The following ADAMTS9 variants were observed in gnomAD, a reference collection of about 807,000 sequenced individuals.
ADAMTS9 encodes the protein A disintegrin and metalloproteinase with thrombospondin motifs 9.
In ADAMTS9, 107 loss-of-function variants were observed where a neutral mutation model predicts 257.1. The observed-to-expected ratio is 0.42, with a 90% CI of 0.36 to 0.49. ADAMTS9 has a LOEUF of 0.49. Among genes scored for constraint, ADAMTS9 ranks in the 20% least tolerant of loss-of-function variants. The pLI is 0.03. For missense variants in ADAMTS9, 2,353 were observed against 2,469.1 expected (o/e 0.95, Z 1.00); for synonymous variants, 982 against 880.9 (o/e 1.11, Z -2.03).
chr3:64,561,687 T>C lies in ADAMTS9; in HGVS notation c.4589A>G (p.Lys1530Arg). Residue 1530 changes from lysine (K) to arginine (R), a missense_variant, in exon 30 of 40, where the codon AAA becomes AGA. Around this residue, in one of 3 missense-constraint regions of ADAMTS9, gnomAD observed 1,402 missense variants for 1,441.4 expected, o/e 0.97. Coordinates refer to ENST00000498707, the MANE Select transcript of ADAMTS9 (RefSeq NM_182920.2). Reference sequence around the variant, plus strand: ...GTTGCACTCGGTCTCTCTGGCTATTTTGTGTGTTCCGATCTGACAGCCCAC... The same window carrying C: ...GTTGCACTCGGTCTCTCTGGCTATTCTGTGTGTTCCGATCTGACAGCCCAC... Reference protein sequence around the residue: ...RHVGCQIGTHKIARETECNPY... With the variant: ...RHVGCQIGTHRIARETECNPY... 1.9e-6 allele frequency: 3 copies of C among 1,613,994 alleles called. No individual in the cohort carries two copies. Among genetic ancestry groups the C allele is most frequent in the Non-Finnish European group, 2.5e-6 (3 of 1,179,990 alleles).
At chr3:64,581,097 C>T (rs181654296) in intron 28 of ADAMTS9, among the ~76,000 whole-genome samples, 64 of 152,316 alleles carry the variant, frequency 4.2e-4, no homozygotes, top group African/African-American at 1.5e-3. Context: ...GGCAATAATG[C>T]ACACAAAGGA....
chr3:64,687,523 G>A lies in ADAMTS9; in HGVS notation c.115+20C>T. 1 of 1,507,056 alleles carries A rather than the reference G, an allele frequency of 6.6e-7. No homozygotes were observed. The highest frequency in any genetic ancestry group is 8.9e-7 in the Non-Finnish European group (1 of 1,121,526). The allele number at this position is 1,507,056 out of a possible 1,614,324, so 93.4% of individuals were successfully genotyped here. On this transcript the variant is annotated intron_variant, in intron 1 of 39. Transcript: ENST00000498707. The surrounding 1 kb of genome is among the most constrained non-coding windows in gnomAD (Gnocchi z 4.4). ...GCGGCGTCGGGGCCGGCGGGGTCCC[G>A]GGGGCCGGAGCCTGGTTACCTTGCC...
chr3:64,572,371 A>C (rs1317365799), intron 28 of ADAMTS9, among the ~76,000 whole-genome samples: 1 of 152,190 alleles, frequency 6.6e-6, no homozygotes, highest in Non-Finnish European at 1.5e-5. Context: ...AACTCAAGAC[A>C]TGGGCCGTCT....
chr3:64,665,728 T>G (rs1202141216), intron 3 of ADAMTS9, among the ~76,000 whole-genome samples: 1 of 152,120 alleles, frequency 6.6e-6, no homozygotes, highest in Non-Finnish European at 1.5e-5. Flanking sequence ...AACTTTTTAA[T>G]ACTGTGAAAA....
At chr3:64,619,993 C>T (rs1031693150) in intron 19 of ADAMTS9, among the ~76,000 whole-genome samples, 2 of 151,658 alleles carry the variant, frequency 1.3e-5, no homozygotes, top group Non-Finnish European at 2.9e-5. Context: ...CTAGTATAAA[C>T]GTCTGCCTTT....
intron 2 of ADAMTS9, among the ~76,000 whole-genome samples, chr3:64,684,303 G>A (rs558692262): frequency 6.6e-6 from 1 of 151,252 alleles, no homozygotes; most frequent in South Asian, 2.1e-4. Flanking sequence ...AAAGTGAAGC[G>A]GGATAGATTT....
At chr3:64,671,184 C>T (rs1215510448) in intron 3 of ADAMTS9, among the ~76,000 whole-genome samples, 2 of 152,130 alleles carry the variant, frequency 1.3e-5, no homozygotes, top group Non-Finnish European at 2.9e-5. Flanking sequence ...CAGTGGAATA[C>T]AGCTCACCAA....
Position 64,550,876 on chromosome 3 carries a change from G to T in ADAMTS9, c.4869+16C>A, listed in dbSNP as rs1451798300. On this transcript the variant is annotated intron_variant, in intron 31 of 39. Coordinates refer to ENST00000498707, the MANE Select transcript of ADAMTS9 (RefSeq NM_182920.2). Reference sequence around the variant, plus strand: ...CATGGCTGAGCTGACGATGGTTACAGTTCCCAGGACGGTACCTCTGACCAT... The same window carrying T: ...CATGGCTGAGCTGACGATGGTTACATTTCCCAGGACGGTACCTCTGACCAT... The T allele has an allele frequency of 1.9e-6, 3 of 1,613,520 alleles. No individual in the cohort carries two copies. The highest frequency in any genetic ancestry group is 1.1e-5 in the South Asian group (1 of 91,074).
chr3:64,680,050 C>T (rs1253403049), intron 3 of ADAMTS9, among the ~76,000 whole-genome samples: 1 of 152,190 alleles, frequency 6.6e-6, no homozygotes, highest in South Asian at 2.1e-4. Context: ...TACAATGTTA[C>T]ACCCTTAAAT....
intron 38 of ADAMTS9, among the ~76,000 whole-genome samples, chr3:64,528,717 A>G (rs7631391): frequency 0.08 from 12,172 of 152,274 alleles, 1,437 homozygotes; most frequent in Admixed American, 0.31. Context: ...AAAACGTTAT[A>G]ACATTAATAG....
chr3:64,650,987 G>C lies in ADAMTS9; in HGVS notation c.1463+30C>G, dbSNP rs751333627. 1.9e-6 allele frequency: 3 copies of C among 1,579,802 alleles called. No homozygotes were observed. In the Admixed American group the frequency reaches 5.6e-5, roughly 29 times the overall value. On this transcript the variant is annotated intron_variant, in intron 9 of 39. Coordinates refer to ENST00000498707, the MANE Select transcript of ADAMTS9 (RefSeq NM_182920.2). ...ACTACATGTAGGCCAGGCACTAGAAGTTTGTGCTAAAAGAATGTTCAAGTC... is the reference window on the plus strand; with the variant it reads ...ACTACATGTAGGCCAGGCACTAGAACTTTGTGCTAAAAGAATGTTCAAGTC...
At chr3:64,517,835 G>A (rs528792961) in intron 39 of ADAMTS9, among the ~76,000 whole-genome samples, 208 of 152,180 alleles carry the variant, frequency 1.4e-3, no homozygotes, top group African/African-American at 4.4e-3. Flanking sequence ...GATACCTGCT[G>A]ATTTTTCCAT....
At chr3:64,600,138 C>G (rs2084432860) in intron 26 of ADAMTS9, among the ~76,000 whole-genome samples, 1 of 135,114 alleles carries the variant, frequency 7.4e-6, no homozygotes, top group South Asian at 2.4e-4. Context: ...AAATGAAGTT[C>G]TTACTCCAGA....
At chr3:64,561,478 T>G (rs2106647045) in intron 30 of ADAMTS9, 100 bp downstream of exon 30, 1 of 1,338,112 alleles carries the variant, frequency 7.5e-7, no homozygotes, top group East Asian at 2.4e-5. Flanking sequence ...ATTGTAACCG[T>G]GCTCGGTGAC....
chr3:64,622,729 A>T (rs1323816325), intron 16 of ADAMTS9, 143 bp from the exon 17 acceptor site: 3 of 808,260 alleles, frequency 3.7e-6, no homozygotes, highest in Admixed American at 5.2e-5. Context: ...TTCAAGTCCC[A>T]AGTTTGCTAC....
intron 37 of ADAMTS9, among the ~76,000 whole-genome samples, chr3:64,536,565 T>C (rs1286833008): frequency 6.6e-6 from 1 of 152,218 alleles, no homozygotes; most frequent in Admixed American, 6.5e-5. Context: ...TCTACTATCA[T>C]GGATATGAAT....
At chr3:64,661,587 G>A (rs1451265828) in intron 3 of ADAMTS9, among the ~76,000 whole-genome samples, 1 of 152,180 alleles carries the variant, frequency 6.6e-6, no homozygotes, top group Non-Finnish European at 1.5e-5. Context: ...CCGAAATTGT[G>A]CTCTTTCGAT....
intron 37 of ADAMTS9, among the ~76,000 whole-genome samples, chr3:64,535,138 G>C (rs1457445067): frequency 1.3e-5 from 2 of 152,244 alleles, no homozygotes; most frequent in East Asian, 1.9e-4. Context: ...AGTACTTTGG[G>C]AGGCTGAGGC....
In ADAMTS9 at chr3:64,541,927, T is replaced by C. The variant is rs150934552; in HGVS notation, c.5108A>G (p.Gln1703Arg). ...GGGTTGGTCCTCATTGGTTAAACAT[T>C]GCACAGATCTCTGCATCACTCCAAC... The part of the protein sequence containing the change: ...CGVGVMQRSV[Q>R]CLTNEDQPSH... Residue 1703 changes from glutamine to arginine, a missense_variant, in exon 33 of 40, where the codon CAA becomes CGA. Physicochemically the swap from Gln to Arg is conservative, Grantham distance 43 (BLOSUM62 1). Transcript: ENST00000498707. 4.8e-5 allele frequency: 78 copies of C among 1,614,102 alleles called. No homozygotes were observed. Among genetic ancestry groups the C allele is most frequent in the African/African-American group, 1.1e-4 (8 of 75,034 alleles).
Sources: gnomAD v4.1 joint callset for allele counts (sites outside exome capture counted in the v4.1 genomes callset) on GRCh38, gnomAD v4.1.1 for gene constraint, gnomAD v4.1.1 regional missense constraint, Gnocchi (gnomAD v3.1) non-coding constraint, MANE v1.5 for transcripts, NCBI Gene and HGNC (gene_info 2026-07-23, HGNC 2026-07-21) for gene names.